ARID5B: variants seen among roughly 807,000 people sequenced by gnomAD.
ARID5B encodes AT-rich interaction domain 5B.
ARID5B carries 13 observed loss-of-function variants against 97.2 expected under a neutral mutation model. The ratio of observed to expected loss-of-function variants is 0.13; its 90% CI spans 0.09 to 0.21. The LOEUF (loss-of-function observed/expected upper bound fraction) is 0.21. Among genes scored for constraint, ARID5B ranks in the 10% least tolerant of loss-of-function variants. The pLI, the probability that ARID5B is intolerant of heterozygous loss-of-function variation, is 1.00. For synonymous variants in ARID5B, 556 were observed against 570.3 expected, an observed-to-expected ratio of 0.97 and a Z score of 0.36; for missense variants, 1,210 against 1,465.3, an observed-to-expected ratio of 0.83 and a Z score of 2.84.
At chr10:61,967,885 C>A (rs1489945240) in intron 3 of ARID5B, among the ~76,000 whole-genome samples, 1 of 152,040 alleles carries the variant, frequency 6.6e-6, no homozygotes, top group East Asian at 1.9e-4. Context: ...TTCATATAAC[C>A]TTTTGGTTTG....
intron 4 of ARID5B, among the ~76,000 whole-genome samples, chr10:62,018,581 T>C (rs1272929235): frequency 3.5e-5 from 4 of 112,778 alleles, no homozygotes; most frequent in East Asian, 2.2e-4. Flanking sequence ...GTTCCTGACC[T>C]TTTTTTTTTT....
intron 2 of ARID5B, among the ~76,000 whole-genome samples, chr10:61,905,612 A>G (rs1843695557): frequency 6.6e-6 from 1 of 152,138 alleles, no homozygotes; most frequent in Non-Finnish European, 1.5e-5. Context: ...TTGAAATTCA[A>G]GGTTATCTTT....
intron 3 of ARID5B, among the ~76,000 whole-genome samples, chr10:61,994,066 TTTTAAGTGAAAATC>T (rs1838964248): frequency 6.6e-6 from 1 of 152,178 alleles, no homozygotes; most frequent in South Asian, 2.1e-4. Context: ...ATTTGGAATC[TTTTAAGTGAAAATC>T]TTTAAATGTT....
At chr10:61,954,520 G>T (rs546369268) in intron 3 of ARID5B, among the ~76,000 whole-genome samples, 1 of 151,856 alleles carries the variant, frequency 6.6e-6, no homozygotes, top group African/African-American at 2.4e-5. Context: ...AGAAAATTTC[G>T]TGCCAGGAAT....
intron 6 of ARID5B, among the ~76,000 whole-genome samples, chr10:62,057,621 C>A (rs2132939695): frequency 6.6e-6 from 1 of 152,152 alleles, no homozygotes; most frequent in South Asian, 2.1e-4. Context: ...TCTGTGACGC[C>A]TTTCTTGTGA....
At chr10:61,941,261 C>T (rs1811991257) in intron 3 of ARID5B, among the ~76,000 whole-genome samples, 1 of 150,688 alleles carries the variant, frequency 6.6e-6, no homozygotes, top group South Asian at 2.1e-4. Context: ...TTTCTTAACA[C>T]TTTCTTCTCC....
chr10:62,046,218 T>A (rs1342947352), intron 4 of ARID5B, among the ~76,000 whole-genome samples: 1 of 152,190 alleles, frequency 6.6e-6, no homozygotes, highest in Non-Finnish European at 1.5e-5. Context: ...GAGACGGTCA[T>A]GACAGGAAGA....
At chr10:61,973,108 C>A (rs1838651757) in intron 3 of ARID5B, among the ~76,000 whole-genome samples, 1 of 152,132 alleles carries the variant, frequency 6.6e-6, no homozygotes. Flanking sequence ...CTATGAGAAC[C>A]ATCCACAATG....
chr10:61,965,075 G>A (rs991673744), intron 3 of ARID5B, among the ~76,000 whole-genome samples: 3 of 152,142 alleles, frequency 2.0e-5, no homozygotes, highest in Admixed American at 6.6e-5. Flanking sequence ...GTTAGTCTTA[G>A]GGGGATACTA....
At chr10:61,926,704 G>A (rs1425815044) in intron 2 of ARID5B, among the ~76,000 whole-genome samples, 13 of 152,152 alleles carry the variant, frequency 8.5e-5, no homozygotes, top group Admixed American at 8.5e-4. Context: ...CTCCTCCCTG[G>A]TTCAGGTGAT....
rs572441219 is a variant in ARID5B, at chr10:61,902,736, A to G, written c.276+323A>G. ...GTGTGTGTTCATTTGCTCTCCTGCT[A>G]TTGCCTCTTGAACATCACATGCTTT... On this transcript the variant is annotated intron_variant, in intron 2 of 9. Coordinates refer to ENST00000279873, the MANE Select transcript of ARID5B (RefSeq NM_032199.3). Among the ~76,000 whole-genome samples, 5 of 150,704 alleles carry G rather than the reference A, an allele frequency of 3.3e-5. No homozygotes were observed. The East Asian group carries it at 9.8e-4, about 29-fold the overall frequency.
Position 62,096,478 on chromosome 10 carries a change from G to T in ARID5B, c.*3448G>T, listed in dbSNP as rs756187100. The T allele has an allele frequency of 1.3e-5, 3 of 233,368 alleles. No individual in the cohort carries two copies. Among genetic ancestry groups the T allele is most frequent in the Non-Finnish European group, 2.5e-5 (3 of 118,030 alleles). 14.5% of individuals were successfully genotyped at this position (233,368 alleles called of 1,614,324 possible). A position where few individuals can be genotyped will look rare whatever the true frequency, so the allele number is the denominator to read the frequency against. On this transcript the variant is annotated 3_prime_UTR_variant, in exon 10 of 10. Coordinates refer to ENST00000279873, the MANE Select transcript of ARID5B (RefSeq NM_032199.3). ...CTGGTGAGACCCATACCATTGCAAT[G>T]ATTATCTTGAGCACTTAAAGTCCAG... is the stretch of plus-strand genomic sequence containing the variant.
chr10:61,942,682 C>A (rs1245939609), intron 3 of ARID5B, among the ~76,000 whole-genome samples: 1 of 152,112 alleles, frequency 6.6e-6, no homozygotes, highest in Non-Finnish European at 1.5e-5. Context: ...ATCTCAGCTA[C>A]TTGGGAGGCT....
At chr10:62,062,014 T>C (rs1301907333) in intron 7 of ARID5B, among the ~76,000 whole-genome samples, 3 of 152,206 alleles carry the variant, frequency 2.0e-5, no homozygotes, top group Non-Finnish European at 4.4e-5. Flanking sequence ...ATGCTATAGA[T>C]TGGCCCTGCA....
chr10:62,034,683 G>A (rs1366729738), intron 4 of ARID5B, among the ~76,000 whole-genome samples: 1 of 152,118 alleles, frequency 6.6e-6, no homozygotes, highest in African/African-American at 2.4e-5. Context: ...CAAGATAAAA[G>A]CATTATTTAT....
intron 2 of ARID5B, among the ~76,000 whole-genome samples, chr10:61,902,618 A>G (rs1251218971): frequency 6.6e-6 from 1 of 151,946 alleles, no homozygotes; most frequent in African/African-American, 2.4e-5. Flanking sequence ...AGAGGATCCA[A>G]CTGCTGATTT....
intron 4 of ARID5B, among the ~76,000 whole-genome samples, chr10:62,005,185 AAGGAGG>A (rs1839130973): frequency 6.6e-6 from 1 of 152,202 alleles, no homozygotes; most frequent in South Asian, 2.1e-4. Context: ...GGGGACCAGA[AAGGAGG>A]GACAGCAGGG....
chr10:62,054,729 A>G (rs1302301856), intron 5 of ARID5B, among the ~76,000 whole-genome samples: 1 of 152,180 alleles, frequency 6.6e-6, no homozygotes, highest in Non-Finnish European at 1.5e-5. Flanking sequence ...CTAATAATAT[A>G]GGTAGTTGGC....
At chr10:62,015,988 G>A (rs555795904) in intron 4 of ARID5B, among the ~76,000 whole-genome samples, 50 of 152,176 alleles carry the variant, frequency 3.3e-4, no homozygotes, top group Non-Finnish European at 5.6e-4. Flanking sequence ...AGCACTTGCC[G>A]TAGGTGAATT....
Sources: allele counts gnomAD v4.1 joint callset (sites outside exome capture counted in the v4.1 genomes callset), GRCh38; gene constraint gnomAD v4.1.1; transcripts MANE v1.5; gene names NCBI Gene and HGNC (gene_info 2026-07-23, HGNC 2026-07-21).